Variants in NR1H2 observed in about 807,000 individuals in gnomAD.
The protein encoded by NR1H2 is nuclear receptor subfamily 1 group H member 2.
In NR1H2, 33 loss-of-function variants were observed where a neutral mutation model predicts 51.2. The observed-to-expected ratio is 0.64, with a 90% CI of 0.49 to 0.86. The LOEUF (loss-of-function observed/expected upper bound fraction) is 0.86, where lower values mean the gene tolerates loss of function less well. NR1H2 is among the 40% of genes least tolerant of loss of function. The probability of loss-of-function intolerance (pLI) is 0.00; values close to 1 mark genes in which losing one functional copy is unlikely to be tolerated. For missense variants in NR1H2, 592 were observed against 639.9 expected, an observed-to-expected ratio of 0.93 and a Z score of 0.81; for synonymous variants, 310 against 264.3, an observed-to-expected ratio of 1.17 and a Z score of -1.68.
rs188629045 is a variant in NR1H2, at chr19:50,380,159, A to C, written c.1027+280A>C. 3.2e-4 allele frequency among the ~76,000 whole-genome samples: 48 copies of C among 151,878 alleles called. No individual in the cohort carries two copies. In the East Asian group the frequency reaches 6.0e-3, roughly 19 times the overall value. Reference sequence around the variant, plus strand: ...TGGTGACAGAGAAGACCGTGTCTCTATTTTTTAAAAAAAGCATGTATTGAG... The same window carrying C: ...TGGTGACAGAGAAGACCGTGTCTCTCTTTTTTAAAAAAAGCATGTATTGAG... On this transcript the variant is annotated intron_variant, in intron 8 of 9. Transcript: ENST00000253727.
intron 7 of NR1H2, 64 bp downstream of exon 7, chr19:50,379,245 G>A: frequency 1.3e-6 from 2 of 1,503,846 alleles, no homozygotes; most frequent in Non-Finnish European, 1.8e-6. Flanking sequence ...TGGGAGCAGA[G>A]TTAAGGAAGA....
rs766717412 is a variant in NR1H2 at position 50,382,591 on chromosome 19, G to T, written c.1372G>T (p.Val458Phe). The T allele has an allele frequency of 2.5e-5, 40 of 1,581,134 alleles. No homozygotes were observed. The highest frequency in any genetic ancestry group is 5.3e-5 in the Admixed American group (3 of 56,856). ...GCCTCTGCTGTCGGAGATCTGGGAC[G>T]TCCACGAGTGAGGGGCTGGCCACCC... ...LPPLLSEIWD[V>F]HE Residue 458 changes from valine to phenylalanine, a missense_variant, in exon 10 of 10, where the codon GTC becomes TTC. Coordinates refer to ENST00000253727, the MANE Select transcript of NR1H2 (RefSeq NM_007121.7).
chr19:50,382,591 G>A lies in NR1H2; in HGVS notation c.1372G>A (p.Val458Ile), dbSNP rs766717412. The stretch of plus-strand genomic sequence containing the variant: ...GCCTCTGCTGTCGGAGATCTGGGAC[G>A]TCCACGAGTGAGGGGCTGGCCACCC... ...LPPLLSEIWD[V>I]HE Residue 458 changes from valine to isoleucine, a missense_variant, in exon 10 of 10, where the codon GTC (valine) becomes ATC (isoleucine). By Grantham distance (29) the Val-to-Ile change is conservative. Around this residue, in one of 3 missense-constraint regions of NR1H2, gnomAD observed 174 missense variants for 174.0 expected, o/e 1.00. Coordinates refer to ENST00000253727, the MANE Select transcript of NR1H2 (RefSeq NM_007121.7). The A allele has an allele frequency of 1.3e-6, 2 of 1,581,252 alleles. No individual in the cohort carries two copies. The highest frequency in any genetic ancestry group is 1.7e-6 in the Non-Finnish European group (2 of 1,164,812).
chr19:50,381,385 GCC>G (rs1473561370), intron 8 of NR1H2, among the ~76,000 whole-genome samples: 1 of 152,196 alleles, frequency 6.6e-6, no homozygotes, highest in Non-Finnish European at 1.5e-5. Flanking sequence ...GCTCAGCAGG[GCC>G]CTTCACACTT....
At position 50,381,963 on chromosome 19, in the gene NR1H2, C is replaced by T; in HGVS notation, c.1028-3C>T. The T allele has an allele frequency of 6.4e-7, 1 of 1,552,222 alleles. No homozygotes were observed. The highest frequency in any genetic ancestry group is 8.7e-7 in the Non-Finnish European group (1 of 1,147,190). On this transcript the variant is annotated splice_polypyrimidine_tract_variant and splice_region_variant and intron_variant, in intron 8 of 9. Coordinates refer to ENST00000253727, the MANE Select transcript of NR1H2 (RefSeq NM_007121.7). ...GAGTCACGGGCTGCCTCCCGCCCCG[C>T]AGGCCTGCAGGTGGAGTTCATCAAC...
In NR1H2 at chr19:50,383,190, G is replaced by C. The variant is rs2037817169; in HGVS notation, c.*588G>C. Reference sequence around the variant, plus strand: ...CCTGCTGTGAAAGTTCAGGACAGAGGCCTCAGCCTCAGGGTCACCTCCCTG... The same window carrying C: ...CCTGCTGTGAAAGTTCAGGACAGAGCCCTCAGCCTCAGGGTCACCTCCCTG... On this transcript the variant is annotated 3_prime_UTR_variant, in exon 10 of 10. Coordinates refer to ENST00000253727, the MANE Select transcript of NR1H2 (RefSeq NM_007121.7). Among the ~76,000 whole-genome samples, 1 of 152,160 alleles carries C rather than the reference G, an allele frequency of 6.6e-6. No individual in the cohort carries two copies. The highest frequency in any genetic ancestry group is 6.5e-5 in the Admixed American group (1 of 15,280).
At chr19:50,379,217 T>G in intron 7 of NR1H2, 36 bp downstream of exon 7, 1 of 1,587,008 alleles carries the variant, frequency 6.3e-7, no homozygotes, top group South Asian at 1.2e-5. Flanking sequence ...ACCCCAGAGA[T>G]AGCTCCAGGA....
chr19:50,382,752 TC>T lies in NR1H2; in HGVS notation c.*152del. The T allele has an allele frequency of 1.3e-6, 1 of 763,364 alleles. No individual in the cohort carries two copies. The highest frequency in any genetic ancestry group is 2.0e-6 in the Non-Finnish European group (1 of 503,690). The allele number at this position is 763,364 out of a possible 1,614,324, so 47.3% of individuals were successfully genotyped here. A position where few individuals can be genotyped will look rare whatever the true frequency, so the allele number is the denominator to read the frequency against. On this transcript the variant is annotated 3_prime_UTR_variant, in exon 10 of 10. Coordinates refer to ENST00000253727, the MANE Select transcript of NR1H2 (RefSeq NM_007121.7). ...CCCTTGGGATAAGCCCCAGTCCAGGTCCAGGAGGCTCCCTCCCTGCCCAGCG... is the reference window on the plus strand; with the variant it reads ...CCCTTGGGATAAGCCCCAGTCCAGGTCAGGAGGCTCCCTCCCTGCCCAGCG...
chr19:50,377,340 C>T (rs2037682910), intron 2 of NR1H2: 3 of 434,376 alleles, frequency 6.9e-6, no homozygotes, highest in Non-Finnish European at 1.2e-5. Context: ...TGGATTGGAC[C>T]TGAGGGGGCG....
chr19:50,379,008 C>T lies in NR1H2; in HGVS notation c.754C>T (p.Pro252Ser). The change falls in exon 7 of 10, where the codon CCC becomes TCC. Residue 252 changes from proline to serine, a missense_variant. This residue lies in a region of NR1H2 where 102 missense variants were observed against 152.4 expected (regional missense o/e 0.67). Coordinates refer to ENST00000253727, the MANE Select transcript of NR1H2 (RefSeq NM_007121.7). ...CTGGTCTCCTGTGTCCCAGCCCTGG[C>T]CCCTGGGCGCAGACCCCCAGTCCCG... ...FSDQPKVTPW[P>S]LGADPQSRDA... 1 of 1,607,914 alleles carries T rather than the reference C, an allele frequency of 6.2e-7. No individual in the cohort carries two copies. The highest frequency in any genetic ancestry group is 8.5e-7 in the Non-Finnish European group (1 of 1,177,426).
chr19:50,382,226 G>A (rs1321702228), intron 9 of NR1H2, 52 bp downstream of exon 9: 9 of 1,465,136 alleles, frequency 6.1e-6, no homozygotes, highest in South Asian at 5.4e-5. Flanking sequence ...CGCGGCCCAC[G>A]TGGTCCGTTC....
Position 50,382,597 on chromosome 19 carries a change from G to C in NR1H2, c.1378G>C (p.Glu460Gln). ...GCTGTCGGAGATCTGGGACGTCCAC[G>C]AGTGAGGGGCTGGCCACCCAGCCCC... The part of the protein sequence containing the change: ...PLLSEIWDVH[E>Q] Residue 460 changes from glutamate (E) to glutamine (Q), a missense_variant, in exon 10 of 10, where the codon GAG becomes CAG. Transcript: ENST00000253727. 1 of 1,574,454 alleles carries C rather than the reference G, an allele frequency of 6.4e-7. No homozygotes were observed. Among genetic ancestry groups the C allele is most frequent in the Non-Finnish European group, 8.6e-7 (1 of 1,161,556 alleles).
chr19:50,377,923 G>A, intron 4 of NR1H2, 53 bp downstream of exon 4: 3 of 1,504,902 alleles, frequency 2.0e-6, no homozygotes, highest in Non-Finnish European at 2.6e-6. Flanking sequence ...GTTTAGGAAG[G>A]GAGAAAGAAA....
In NR1H2 at chr19:50,382,488, G is replaced by A; in HGVS notation, c.1269G>A (p.Lys423=). The change falls in exon 10 of 10, where the codon AAG becomes AAA. Residue 423 remains lysine (K), a synonymous_variant. Transcript: ENST00000253727. ...DQLRFPRMLM[K]LVSLRTLSSV... is the part of the protein sequence containing the mutation. The stretch of plus-strand genomic sequence containing the variant: ...TGCGCTTCCCGCGCATGCTCATGAA[G>A]CTGGTGAGCCTGCGCACGCTGAGCT... 1.2e-6 allele frequency: 2 copies of A among 1,609,994 alleles called. No individual in the cohort carries two copies. Among genetic ancestry groups the A allele is most frequent in the Non-Finnish European group, 8.5e-7 (1 of 1,179,206 alleles).
chr19:50,379,832 CCTT>C lies in NR1H2; in HGVS notation c.984_986del (p.Phe328del). 1 of 1,614,084 alleles carries C rather than the reference CCTT, an allele frequency of 6.2e-7. No homozygotes were observed. Among genetic ancestry groups the C allele is most frequent in the Non-Finnish European group, 8.5e-7 (1 of 1,179,956 alleles). Reference sequence around the variant, plus strand: ...TACAACCACGAGACAGAGTGTATCACCTTCTTGAAGGACTTCACCTACAGCAAG... The same window carrying C: ...TACAACCACGAGACAGAGTGTATCACCTTGAAGGACTTCACCTACAGCAAG... On this transcript the variant is annotated inframe_deletion, in exon 8 of 10. Transcript: ENST00000253727.
At chr19:50,379,234 C>T in intron 7 of NR1H2, 53 bp downstream of exon 7, 4 of 1,544,354 alleles carry the variant, frequency 2.6e-6, no homozygotes, top group Admixed American at 1.9e-5. Flanking sequence ...AGGACAGATG[C>T]TGGGAGCAGA....
In NR1H2 at chr19:50,378,436, C is replaced by G; in HGVS notation, c.469C>G (p.Gln157Glu). 1 of 1,595,682 alleles carries G rather than the reference C, an allele frequency of 6.3e-7. No individual in the cohort carries two copies. The highest frequency in any genetic ancestry group is 8.6e-7 in the Non-Finnish European group (1 of 1,167,850). ...GTGCAAGGAGGCAGGGATGAGGGAG[C>G]AGTGTGAGTGCAGCGGGAGGGGGCG... The part of the protein sequence containing the change: ...RKCKEAGMRE[Q>E]CVLSEEQIRK... Residue 157 changes from glutamine (Q) to glutamate (E), a missense_variant, in exon 5 of 10, where the codon CAG becomes GAG. Physicochemically the swap from Gln to Glu is conservative, Grantham distance 29. Coordinates refer to ENST00000253727, the MANE Select transcript of NR1H2 (RefSeq NM_007121.7).
Position 50,377,589 on chromosome 19 carries a change from T to A in NR1H2, c.-17T>A, listed in dbSNP as rs373714660. The A allele has an allele frequency of 1.2e-6, 2 of 1,613,268 alleles. No homozygotes were observed. Among genetic ancestry groups the A allele is most frequent in the African/African-American group, 2.7e-5 (2 of 74,890 alleles). ...TCTCAATCCCCTGTATTCTACAGGC[T>A]GCTCCGTGACCCCACCATGTCCTCT... On this transcript the variant is annotated splice_region_variant and 5_prime_UTR_variant, in exon 3 of 10. Transcript: ENST00000253727.
chr19:50,381,627 C>T (rs1465467792), intron 8 of NR1H2, among the ~76,000 whole-genome samples: 5 of 152,180 alleles, frequency 3.3e-5, no homozygotes, highest in Non-Finnish European at 5.9e-5. Context: ...CACGATGTGA[C>T]CTAGGTTTTA....
Sources: allele counts gnomAD v4.1 joint callset (sites outside exome capture counted in the v4.1 genomes callset), GRCh38; gene constraint gnomAD v4.1.1; regional missense constraint gnomAD v4.1.1; transcripts MANE v1.5; gene names NCBI Gene and HGNC (gene_info 2026-07-23, HGNC 2026-07-21).